TMEM268: variants seen among roughly 807,000 people sequenced by gnomAD.
The protein encoded by TMEM268 is transmembrane protein C9orf91.
A neutral mutation model predicts 39.1 loss-of-function variants in TMEM268; 24 were observed. The ratio of observed to expected loss-of-function variants is 0.61; its 90% CI spans 0.44 to 0.86. The LOEUF is 0.86. Ranked by LOEUF, TMEM268 falls within the 40% of genes least tolerant of loss-of-function variation. TMEM268 has a pLI of 0.00. For missense variants in TMEM268, 409 were observed against 428.6 expected (o/e 0.95, Z 0.40); for synonymous variants, 176 against 173.5 (o/e 1.01, Z -0.12).
chr9:114,618,454 A>G (rs1845820576), intron 2 of TMEM268, among the ~76,000 whole-genome samples: 1 of 152,022 alleles, frequency 6.6e-6, no homozygotes, highest in Non-Finnish European at 1.5e-5. Context: ...CAGGAGTTCA[A>G]ACAGTACTTG....
chr9:114,614,161 A>T (rs1845612196), intron 1 of TMEM268, among the ~76,000 whole-genome samples: 1 of 152,354 alleles, frequency 6.6e-6, no homozygotes, highest in South Asian at 2.1e-4. Flanking sequence ...TATGTGGCAG[A>T]GTGGGAATTT....
chr9:114,619,259 A>G (rs555222076), intron 2 of TMEM268, among the ~76,000 whole-genome samples: 1 of 151,574 alleles, frequency 6.6e-6, no homozygotes, highest in South Asian at 2.1e-4. Flanking sequence ...CTTTGTAGGA[A>G]ACTGCTTCCC....
At position 114,644,557 on chromosome 9, in the gene TMEM268, A is replaced by G. The variant is rs149231454; in HGVS notation, c.*1244A>G. The G allele has an allele frequency of 3.1e-3, 478 of 152,072 alleles. 5 individuals carry two copies. The highest frequency in any genetic ancestry group is 0.011 in the African/African-American group (451 of 41,496). The allele number at this position is 152,072 out of a possible 1,614,324, so 9.4% of individuals were successfully genotyped here. ...TAAACTCCTTAAGGACAGAGACTAC[A>G]CCTTGTACTTTTTGTGCATGACCTG... On this transcript the variant is annotated 3_prime_UTR_variant, in exon 9 of 9. Coordinates refer to ENST00000288502, the MANE Select transcript of TMEM268 (RefSeq NM_153045.4).
chr9:114,617,515 C>G (rs1430094216), intron 2 of TMEM268, among the ~76,000 whole-genome samples: 1 of 152,180 alleles, frequency 6.6e-6, no homozygotes, highest in Non-Finnish European at 1.5e-5. Context: ...TTCTCTTTTC[C>G]ATTTATTCTT....
At chr9:114,633,741 G>T (rs1447221204) in intron 5 of TMEM268, 27 bp from the exon 6 acceptor site, 8 of 1,348,828 alleles carry the variant, frequency 5.9e-6, no homozygotes, top group Middle Eastern at 2.2e-4. Context: ...TGGAGGTCTG[G>T]TGATGGGCCT....
chr9:114,623,481 C>T (rs1404959904), intron 2 of TMEM268, among the ~76,000 whole-genome samples: 1 of 152,210 alleles, frequency 6.6e-6, no homozygotes, highest in African/African-American at 2.4e-5. Context: ...AGTTAGATGT[C>T]TGACACTGAT....
At chr9:114,617,362 G>A in intron 2 of TMEM268, 61 bp downstream of exon 2, 3 of 1,302,756 alleles carry the variant, frequency 2.3e-6, no homozygotes, top group Non-Finnish European at 3.3e-6. Context: ...TGGACTCACA[G>A]GGCACAGAAG....
chr9:114,623,094 A>C (rs76946147), intron 2 of TMEM268, among the ~76,000 whole-genome samples: 11,801 of 151,778 alleles, frequency 0.078, 658 homozygotes, highest in South Asian at 0.15. Flanking sequence ...TGTCTCCAAA[A>C]AACAACAACA....
intron 6 of TMEM268, among the ~76,000 whole-genome samples, chr9:114,635,039 G>A (rs1846569872): frequency 6.6e-6 from 1 of 152,038 alleles, no homozygotes; most frequent in Admixed American, 6.6e-5. Context: ...ATGCACGGAT[G>A]GATAGATGAC....
chr9:114,605,596 G>T, the TMEM268 span, among the ~76,000 whole-genome samples: 4 of 152,090 alleles, frequency 2.6e-5, no homozygotes, highest in Admixed American at 6.6e-5. Flanking sequence ...GAAGAGTTAA[G>T]GAGCAGGCAG....
intron 7 of TMEM268, among the ~76,000 whole-genome samples, chr9:114,637,562 G>T (rs963017302): frequency 1.3e-5 from 2 of 152,066 alleles, no homozygotes; most frequent in African/African-American, 4.8e-5. Context: ...CCAAAGTGCT[G>T]GGATTACAGG....
intron 1 of TMEM268, among the ~76,000 whole-genome samples, chr9:114,614,378 A>G (rs941235716): frequency 4.6e-5 from 7 of 152,240 alleles, no homozygotes; most frequent in Non-Finnish European, 7.3e-5. Flanking sequence ...GCAGTCACAC[A>G]GGGTCCCCCA....
chr9:114,641,549 G>A (rs1279197543), intron 8 of TMEM268, among the ~76,000 whole-genome samples: 1 of 152,186 alleles, frequency 6.6e-6, no homozygotes, highest in African/African-American at 2.4e-5. Context: ...GCCTAGCGCC[G>A]TGGCTCACGC....
Position 114,628,255 on chromosome 9 carries a change from G to T in TMEM268, c.474+5G>T. On this transcript the variant is annotated splice_donor_5th_base_variant and intron_variant, in intron 5 of 8. Coordinates refer to ENST00000288502, the MANE Select transcript of TMEM268 (RefSeq NM_153045.4). Reference sequence around the variant, plus strand: ...TTTGAAAGACACCAGAAGAAGGTGAGATGTCTGGAGATCCCTGCCACACTC... The same window carrying T: ...TTTGAAAGACACCAGAAGAAGGTGATATGTCTGGAGATCCCTGCCACACTC... 1 of 1,613,012 alleles carries T rather than the reference G, an allele frequency of 6.2e-7. No individual in the cohort carries two copies. Among genetic ancestry groups the T allele is most frequent in the South Asian group, 1.1e-5 (1 of 91,068 alleles).
At position 114,626,963 on chromosome 9, in the gene TMEM268, A is replaced by T. The variant is rs146386481; in HGVS notation, c.281A>T (p.Tyr94Phe). 14 of 1,613,598 alleles carry T rather than the reference A, an allele frequency of 8.7e-6. No homozygotes were observed. In the African/African-American group the frequency reaches 1.6e-4, roughly 18 times the overall value. Reference sequence around the variant, plus strand: ...CTCTTGGAGCCCCAAGTGAGAAGATATATCATCTACAACTCGAGGCCTATG... The same window carrying T: ...CTCTTGGAGCCCCAAGTGAGAAGATTTATCATCTACAACTCGAGGCCTATG... ...SALLEPQVRR[Y>F]IIYNSRPMRL... Residue 94 changes from tyrosine to phenylalanine, a missense_variant, in exon 4 of 9, where the codon TAT becomes TTT. Tyr to Phe is a conservative substitution (Grantham distance 22, BLOSUM62 3). Coordinates refer to ENST00000288502, the MANE Select transcript of TMEM268 (RefSeq NM_153045.4).
chr9:114,625,441 TTC>T (rs1362133108), intron 3 of TMEM268, among the ~76,000 whole-genome samples: 6 of 104,310 alleles, frequency 5.8e-5, no homozygotes, highest in African/African-American at 2.3e-4. Flanking sequence ...TTACTTCTTC[TTC>T]TTTTTTTTTT....
intron 8 of TMEM268, among the ~76,000 whole-genome samples, chr9:114,640,472 T>A (rs1846856281): frequency 6.6e-6 from 1 of 152,224 alleles, no homozygotes; most frequent in Non-Finnish European, 1.5e-5. Context: ...ATTAGCATAC[T>A]CTTCGAGGTA....
At chr9:114,622,559 G>A (rs1345366806) in intron 2 of TMEM268, 3 of 952,100 alleles carry the variant, frequency 3.2e-6, no homozygotes, top group African/African-American at 3.5e-5. Flanking sequence ...TTTCAGTCCA[G>A]ACTTTTCTCT....
In TMEM268 at chr9:114,633,606, C is replaced by T. The variant is rs931652984; in HGVS notation, c.475-162C>T. Reference sequence around the variant, plus strand: ...TACAGGCATGAGTCACTGTGACTGCCTCCACCCCCGACCATTTAATAGGGG... The same window carrying T: ...TACAGGCATGAGTCACTGTGACTGCTTCCACCCCCGACCATTTAATAGGGG... On this transcript the variant is annotated intron_variant, in intron 5 of 8. Transcript: ENST00000288502. Among the ~76,000 whole-genome samples, 3 of 151,774 alleles carry T rather than the reference C, an allele frequency of 2.0e-5. No homozygotes were observed. In the South Asian group the frequency reaches 6.3e-4, roughly 32 times the overall value.
Sources: gnomAD v4.1 joint callset for allele counts (sites outside exome capture counted in the v4.1 genomes callset) on GRCh38, gnomAD v4.1.1 for gene constraint, MANE v1.5 for transcripts, NCBI Gene and HGNC (gene_info 2026-07-23, HGNC 2026-07-21) for gene names.